Variants in EXPH5 observed in about 807,000 individuals in gnomAD.
The protein encoded by EXPH5 is exophilin 5.
A neutral mutation model predicts 41.1 loss-of-function variants in EXPH5; 42 were observed. The ratio of observed to expected loss-of-function variants is 1.02; its 90% confidence interval spans 0.80 to 1.32. EXPH5 has a LOEUF of 1.32. Among genes scored for constraint, EXPH5 ranks in the 40% most tolerant of loss-of-function variants. EXPH5 has a pLI of 0.00. For synonymous variants in EXPH5, 798 were observed against 833.5 expected, an observed-to-expected ratio of 0.96 and a Z score of 0.73; for missense variants, 2,298 against 2,314.5, an observed-to-expected ratio of 0.99 and a Z score of 0.15.
At chr11:108,587,077 T>G (rs2094115420) in intron 1 of EXPH5, among the ~76,000 whole-genome samples, 1 of 151,914 alleles carries the variant, frequency 6.6e-6, no homozygotes, top group Non-Finnish European at 1.5e-5. Flanking sequence ...TTCTCAATTT[T>G]AAGACCCTGC....
Position 108,512,977 on chromosome 11 carries a change from T to C in EXPH5, c.2530A>G (p.Ile844Val), listed in dbSNP as rs1214488518. Residue 844 changes from isoleucine to valine, a missense_variant, in exon 6 of 6, where the codon ATT (isoleucine) becomes GTT (valine). By Grantham distance (29) the Ile-to-Val change is conservative. Transcript: ENST00000265843. ...TVNNEDISRI[I>V]TNNHWSSALT... ...GCAGAGCTCCAGTGGTTATTTGTAA[T>C]AATTCTTGAAATATCTTCATTATTT... The C allele has an allele frequency of 2.5e-6, 4 of 1,613,358 alleles. No homozygotes were observed. The highest frequency in any genetic ancestry group is 1.7e-5 in the Admixed American group (1 of 59,932).
chr11:108,575,899 T>C (rs1331914073), intron 1 of EXPH5, among the ~76,000 whole-genome samples: 2 of 151,184 alleles, frequency 1.3e-5, no homozygotes, highest in South Asian at 2.1e-4. Flanking sequence ...CAGGCAGAGG[T>C]TGTAGTGAGC....
intron 1 of EXPH5, among the ~76,000 whole-genome samples, chr11:108,569,498 C>T (rs1441667807): frequency 1.3e-5 from 2 of 151,538 alleles, no homozygotes; most frequent in South Asian, 2.1e-4. Flanking sequence ...CGCCACCATG[C>T]CTGGCTAATT....
upstream of EXPH5, chr11:108,593,816 C>A (rs1485619245): frequency 7.0e-7 from 1 of 1,427,746 alleles, no homozygotes; most frequent in Admixed American, 2.0e-5. Context: ...AGGGGGCGGG[C>A]CCTCCCTTGT....
intron 4 of EXPH5, among the ~76,000 whole-genome samples, chr11:108,527,373 A>G (rs2093806817): frequency 1.3e-5 from 2 of 152,190 alleles, no homozygotes; most frequent in East Asian, 1.9e-4. Context: ...ATTTTACCTC[A>G]TGCTTTTTGC....
intron 1 of EXPH5, among the ~76,000 whole-genome samples, chr11:108,555,092 T>G (rs2093984237): frequency 6.6e-6 from 1 of 152,212 alleles, no homozygotes; most frequent in African/African-American, 2.4e-5. Context: ...AGGGCAGATG[T>G]TCACAAACAC....
At chr11:108,558,762 T>G (rs2094000101) in intron 1 of EXPH5, among the ~76,000 whole-genome samples, 1 of 152,252 alleles carries the variant, frequency 6.6e-6, no homozygotes, top group Non-Finnish European at 1.5e-5. Context: ...GATGGGAACC[T>G]GCACACTGTA....
At chr11:108,578,117 A>G (rs1565832997) in intron 1 of EXPH5, among the ~76,000 whole-genome samples, 2 of 152,176 alleles carry the variant, frequency 1.3e-5, no homozygotes, top group East Asian at 1.9e-4. Context: ...GCCCAGACCA[A>G]TGTCCTGGAG....
chr11:108,531,999 A>G (rs1047466203), intron 3 of EXPH5, among the ~76,000 whole-genome samples: 2 of 152,032 alleles, frequency 1.3e-5, no homozygotes, highest in Admixed American at 6.6e-5. Flanking sequence ...TCCCAATCCA[A>G]TCAATCCTTT....
chr11:108,518,275 T>C lies in EXPH5; in HGVS notation c.591A>G (p.Pro197=). 6.2e-7 allele frequency: 1 copy of C among 1,613,752 alleles called. No individual in the cohort carries two copies. The highest frequency in any genetic ancestry group is 8.5e-7 in the Non-Finnish European group (1 of 1,179,748). ...TCTCCAGCAGTGAAGCATCCCACGG[T>C]GGAGGCATGCCACTCTCCTCCCTCA... ...AVMREESGMP[P]PWDASLLENE... Residue 197 remains proline, a synonymous_variant, in exon 5 of 6, where the codon CCA becomes CCG. Transcript: ENST00000265843.
chr11:108,548,582 G>C (rs2093949454), intron 1 of EXPH5, among the ~76,000 whole-genome samples: 1 of 152,182 alleles, frequency 6.6e-6, no homozygotes, highest in Admixed American at 6.5e-5. Context: ...ATGGCATTAT[G>C]TTTACTATTA....
chr11:108,577,603 A>G (rs1172375417), intron 1 of EXPH5, among the ~76,000 whole-genome samples: 1 of 151,830 alleles, frequency 6.6e-6, no homozygotes, highest in Non-Finnish European at 1.5e-5. Flanking sequence ...TTGTATTTTT[A>G]GTAGAGACAG....
chr11:108,602,830 T>C, the EXPH5 span, among the ~76,000 whole-genome samples: 1 of 152,156 alleles, frequency 6.6e-6, no homozygotes, highest in Non-Finnish European at 1.5e-5. Flanking sequence ...CTCAGGTTGG[T>C]TTAAAAATCA....
intron 4 of EXPH5, among the ~76,000 whole-genome samples, chr11:108,520,967 C>T (rs1387153789): frequency 6.6e-6 from 1 of 152,160 alleles, no homozygotes; most frequent in East Asian, 1.9e-4. Flanking sequence ...ACCTTGCAAA[C>T]ATTATCCACC....
chr11:108,546,411 G>T (rs916250310), intron 1 of EXPH5, among the ~76,000 whole-genome samples: 1 of 152,110 alleles, frequency 6.6e-6, no homozygotes, highest in African/African-American at 2.4e-5. Context: ...GATGGTAGTG[G>T]GGAAGCTGGA....
intron 1 of EXPH5, among the ~76,000 whole-genome samples, chr11:108,576,331 A>G (rs887765851): frequency 1.3e-5 from 2 of 152,232 alleles, no homozygotes; most frequent in African/African-American, 4.8e-5. Context: ...GACAAAAATT[A>G]TATAATTCCA....
At chr11:108,521,432 T>A (rs1482113823) in intron 4 of EXPH5, among the ~76,000 whole-genome samples, 1 of 152,156 alleles carries the variant, frequency 6.6e-6, no homozygotes, top group East Asian at 1.9e-4. Flanking sequence ...CAAGCCACAA[T>A]TGACTACTCA....
At chr11:108,523,486 A>G (rs888991005) in intron 4 of EXPH5, among the ~76,000 whole-genome samples, 5 of 152,164 alleles carry the variant, frequency 3.3e-5, no homozygotes, top group Non-Finnish European at 5.9e-5. Flanking sequence ...AAGAAAGGAA[A>G]CTTGTCTTAG....
chr11:108,562,364 G>T (rs1228058656), intron 1 of EXPH5, among the ~76,000 whole-genome samples: 1 of 149,296 alleles, frequency 6.7e-6, no homozygotes, highest in Non-Finnish European at 1.5e-5. Flanking sequence ...AGGTCGAGGT[G>T]GTGGATCACT....
Sources: gnomAD v4.1 joint callset for allele counts (sites outside exome capture counted in the v4.1 genomes callset) on GRCh38, gnomAD v4.1.1 for gene constraint, MANE v1.5 for transcripts, NCBI Gene and HGNC (gene_info 2026-07-23, HGNC 2026-07-21) for gene names.